The following CFDP1 variants were observed in gnomAD, a reference collection of about 807,000 sequenced individuals.
CFDP1 encodes the protein heterochromatin-stabilizing protein CFDP1.
A neutral mutation model predicts 40.1 loss-of-function variants in CFDP1; 31 were observed. The ratio of observed to expected loss-of-function variants is 0.77; its 90% CI spans 0.58 to 1.04. CFDP1 has a LOEUF of 1.04. CFDP1 is among the 50% of genes least tolerant of loss of function. The pLI, the probability that CFDP1 is intolerant of heterozygous loss-of-function variation, is 0.00. For synonymous variants in CFDP1, 167 were observed against 120.0 expected (o/e 1.39, Z -2.56); for missense variants, 423 against 343.4 (o/e 1.23, Z -1.83).
At chr16:75,315,411 G>T (rs998018700) in intron 5 of CFDP1, among the ~76,000 whole-genome samples, 5 of 146,526 alleles carry the variant, frequency 3.4e-5, no homozygotes, top group Non-Finnish European at 7.4e-5. Flanking sequence ...TCAATAACGA[G>T]AAATGGGGCG....
chr16:75,339,581 C>A (rs1020256197), intron 5 of CFDP1, among the ~76,000 whole-genome samples: 1 of 152,144 alleles, frequency 6.6e-6, no homozygotes, highest in Non-Finnish European at 1.5e-5. Context: ...CAATCTCCAT[C>A]GGTTACAGGG....
chr16:75,420,526 G>C (rs780690782), intron 1 of CFDP1, among the ~76,000 whole-genome samples: 3 of 152,198 alleles, frequency 2.0e-5, no homozygotes, highest in Non-Finnish European at 4.4e-5. Flanking sequence ...ATTATAGAAA[G>C]GGGAGTGTGC....
chr16:75,307,405 C>T (rs1465099583), intron 5 of CFDP1, among the ~76,000 whole-genome samples: 1 of 151,836 alleles, frequency 6.6e-6, no homozygotes, highest in African/African-American at 2.4e-5. Context: ...TTAGTAGAGA[C>T]GGGGTTTTGC....
At chr16:75,329,546 G>C (rs186102901) in intron 5 of CFDP1, among the ~76,000 whole-genome samples, 1 of 152,246 alleles carries the variant, frequency 6.6e-6, no homozygotes, top group East Asian at 1.9e-4. Flanking sequence ...AGGCTGGAGT[G>C]CAGTGGCATG....
chr16:75,426,337 C>G (rs1196445361), intron 1 of CFDP1, among the ~76,000 whole-genome samples: 1 of 149,568 alleles, frequency 6.7e-6, no homozygotes, highest in Admixed American at 6.7e-5. Context: ...GCAACAAGAG[C>G]GAAACTCTAT....
intron 4 of CFDP1, among the ~76,000 whole-genome samples, chr16:75,408,671 G>C (rs867218121): frequency 2.6e-5 from 4 of 151,656 alleles, no homozygotes; most frequent in Non-Finnish European, 5.9e-5. Flanking sequence ...AGCCACTCGG[G>C]AGCCTGAGGC....
At chr16:75,296,254 T>C (rs908900027) in intron 6 of CFDP1, among the ~76,000 whole-genome samples, 3 of 152,156 alleles carry the variant, frequency 2.0e-5, no homozygotes, top group Admixed American at 2.0e-4. Context: ...CTGACTTTAT[T>C]TTTTTAAGAC....
intron 1 of CFDP1, among the ~76,000 whole-genome samples, chr16:75,426,682 A>T (rs1270598370): frequency 1.3e-5 from 2 of 152,136 alleles, no homozygotes; most frequent in Non-Finnish European, 2.9e-5. Context: ...TTTCAAAAAA[A>T]CACCAAAAAA....
In CFDP1 at chr16:75,364,136, A is replaced by AAAAC. The variant is rs376363030; in HGVS notation, c.650+30950_650+30953dup. Among the ~76,000 whole-genome samples the AAAAC allele has an allele frequency of 4.7e-3, 180 of 38,010 alleles. 1 individual carries two copies. The highest frequency in any genetic ancestry group is 9.0e-3 in the African/African-American group (169 of 18,758). The allele number at this position is 38,010 out of a possible 152,430, so 24.9% of individuals were successfully genotyped here. A position where few individuals can be genotyped will look rare whatever the true frequency, so the allele number is the denominator to read the frequency against. ...TGAAATTAAAAAAACAAAACAAAAC[A>AAAAC]AAACAAACAAACAAACAAAAAAAAC... On this transcript the variant is annotated intron_variant, in intron 5 of 6. Transcript: ENST00000283882.
chr16:75,348,995 T>A (rs1025533350), intron 5 of CFDP1, among the ~76,000 whole-genome samples: 9 of 152,068 alleles, frequency 5.9e-5, no homozygotes, highest in African/African-American at 2.2e-4. Context: ...GCACCCTGAG[T>A]AGCTGGGACT....
rs181554040 is a variant in CFDP1, at chr16:75,348,378, G to T, written c.651-43196C>A. On this transcript the variant is annotated intron_variant, in intron 5 of 6. Coordinates refer to ENST00000283882, the MANE Select transcript of CFDP1 (RefSeq NM_006324.3). ...GAAGAAGCTGGGTGAAGCGCTTATG[G>T]GAACTCTGTACTATCTTTACAACAC... Among the ~76,000 whole-genome samples the T allele has an allele frequency of 2.5e-3, 378 of 152,202 alleles. 3 individuals are homozygous for T. Among genetic ancestry groups the T allele is most frequent in the African/African-American group, 8.9e-3 (368 of 41,522 alleles).
intron 5 of CFDP1, among the ~76,000 whole-genome samples, chr16:75,338,294 G>A (rs948139919): frequency 2.0e-5 from 3 of 152,166 alleles, no homozygotes; most frequent in Admixed American, 1.3e-4. Flanking sequence ...GTTTCCAGGG[G>A]ACCACTGGGC....
At chr16:75,427,367 C>T (rs1380814288) in intron 1 of CFDP1, among the ~76,000 whole-genome samples, 1 of 152,060 alleles carries the variant, frequency 6.6e-6, no homozygotes, top group Non-Finnish European at 1.5e-5. Flanking sequence ...TCTCCTTCCT[C>T]ATCCTCCCAA....
At chr16:75,396,525 C>G (rs1214694200) in intron 4 of CFDP1, among the ~76,000 whole-genome samples, 2 of 103,284 alleles carry the variant, frequency 1.9e-5, no homozygotes, top group South Asian at 3.4e-4. Context: ...GGCAACAGAG[C>G]GAGACTCTGT....
At chr16:75,297,222 G>A (rs890328976) in intron 6 of CFDP1, among the ~76,000 whole-genome samples, 1 of 148,886 alleles carries the variant, frequency 6.7e-6, no homozygotes, top group Non-Finnish European at 1.5e-5. Context: ...GTTTTGCCAT[G>A]TTGGTCAGGC....
At chr16:75,365,006 T>C (rs1444586718) in intron 5 of CFDP1, among the ~76,000 whole-genome samples, 1 of 152,224 alleles carries the variant, frequency 6.6e-6, no homozygotes, top group African/African-American at 2.4e-5. Flanking sequence ...ACCAAGTTAC[T>C]TATTTGTGAC....
Position 75,297,154 on chromosome 16 carries a change from GTGTGTGTGTGTC to G in CFDP1, c.810-3124_810-3113del, listed in dbSNP as rs1249282949. Among the ~76,000 whole-genome samples, 83 of 136,518 alleles carry G rather than the reference GTGTGTGTGTGTC, an allele frequency of 6.1e-4. 4 individuals are homozygous for G. The highest frequency in any genetic ancestry group is 1.0e-3 in the South Asian group (4 of 3,854). 89.6% of individuals were successfully genotyped at this position (136,518 alleles called of 152,430 possible). On this transcript the variant is annotated intron_variant, in intron 6 of 6. Transcript: ENST00000283882. ...TTCTTGCTTCCCATTTCTTGTGTGT[GTGTGTGTGTGTC>G]TGTGTGTGTGTGTGTGTGTGTGTGT...
At chr16:75,377,298 G>C (rs1307341832) in intron 5 of CFDP1, among the ~76,000 whole-genome samples, 2 of 152,250 alleles carry the variant, frequency 1.3e-5, no homozygotes, top group African/African-American at 4.8e-5. Flanking sequence ...ATGATGAATA[G>C]ATGAATACAT....
chr16:75,433,182 C>G (rs2079445993), intron 1 of CFDP1, 107 bp downstream of exon 1: 2 of 1,115,032 alleles, frequency 1.8e-6, no homozygotes, highest in South Asian at 2.7e-5. Flanking sequence ...ACAGGAGCCC[C>G]CCTGGACCAC....
Sources: allele counts gnomAD v4.1 joint callset (sites outside exome capture counted in the v4.1 genomes callset), GRCh38; gene constraint gnomAD v4.1.1; transcripts MANE v1.5; gene names NCBI Gene and HGNC (gene_info 2026-07-23, HGNC 2026-07-21).